Variants in SPECC1 observed in about 807,000 individuals in gnomAD.
SPECC1 encodes the protein sperm antigen with calponin homology and coiled-coil domains 1.
A neutral mutation model predicts 104.1 loss-of-function variants in SPECC1; 62 were observed. The ratio of observed to expected loss-of-function variants is 0.60; its 90% CI spans 0.49 to 0.74. The LOEUF is 0.74. Among genes scored for constraint, SPECC1 ranks in the 30% least tolerant of loss-of-function variants. The pLI, the probability that SPECC1 is intolerant of heterozygous loss-of-function variation, is 0.00. For missense variants in SPECC1, 1,306 were observed against 1,310.5 expected (o/e 1.00, Z 0.05); for synonymous variants, 513 against 501.6 (o/e 1.02, Z -0.30).
chr17:20,270,433 C>CAAAAAAAAAA (rs71157863), intron 12 of SPECC1, among the ~76,000 whole-genome samples: 6 of 43,574 alleles, frequency 1.4e-4, no homozygotes, highest in Non-Finnish European at 1.9e-4. Flanking sequence ...CTGTCTTTAC[C>CAAAAAAAAAA]AAAAAAAAAA....
At chr17:20,088,628 A>G (rs2047274268) in intron 1 of SPECC1, among the ~76,000 whole-genome samples, 1 of 152,224 alleles carries the variant, frequency 6.6e-6, no homozygotes, top group African/African-American at 2.4e-5. Flanking sequence ...ATACCCCAAG[A>G]TGAGAACCGC....
chr17:20,045,350 G>GT (rs11416007), intron 1 of SPECC1, among the ~76,000 whole-genome samples: 10,505 of 152,040 alleles, frequency 0.069, 990 homozygotes, highest in African/African-American at 0.21. Flanking sequence ...ATTATTTCTT[G>GT]TTTTTTGCTA....
chr17:20,177,171 T>TA (rs931940061), intron 3 of SPECC1, among the ~76,000 whole-genome samples: 1 of 152,036 alleles, frequency 6.6e-6, no homozygotes, highest in Non-Finnish European at 1.5e-5. Context: ...AATAGACTTG[T>TA]AAAAAAAATC....
intron 12 of SPECC1, among the ~76,000 whole-genome samples, chr17:20,270,947 G>A (rs1189954635): frequency 1.3e-5 from 2 of 152,144 alleles, no homozygotes; most frequent in African/African-American, 2.4e-5. Context: ...TGAAGGAGAA[G>A]CACTTTTTAT....
At chr17:20,109,826 T>C (rs7213349) in intron 2 of SPECC1, among the ~76,000 whole-genome samples, 38,034 of 152,034 alleles carry the variant, frequency 0.25, 6,006 homozygotes, top group African/African-American at 0.45. Context: ...CCCATTCTTT[T>C]TTTCCCCCAC....
chr17:20,233,451 T>TA (rs1377075001), intron 7 of SPECC1, among the ~76,000 whole-genome samples: 28 of 152,232 alleles, frequency 1.8e-4, no homozygotes, highest in Admixed American at 7.2e-4. Flanking sequence ...AACTTTTACA[T>TA]AAAATGGCCT....
intron 3 of SPECC1, among the ~76,000 whole-genome samples, chr17:20,201,404 C>T (rs1424167767): frequency 6.6e-6 from 1 of 152,036 alleles, no homozygotes; most frequent in Middle Eastern, 3.2e-3. Context: ...ATCACTTAAA[C>T]TTTGGAGGCA....
At chr17:20,140,948 C>T (rs1016480105) in intron 3 of SPECC1, among the ~76,000 whole-genome samples, 1 of 152,204 alleles carries the variant, frequency 6.6e-6, no homozygotes, top group African/African-American at 2.4e-5. Flanking sequence ...CTCCCTCCCC[C>T]GTTGGTGCCT....
At chr17:20,082,319 T>C (rs1162495682) in intron 1 of SPECC1, among the ~76,000 whole-genome samples, 1 of 152,152 alleles carries the variant, frequency 6.6e-6, no homozygotes, top group Non-Finnish European at 1.5e-5. Flanking sequence ...CTCACAGTAC[T>C]GGAAGCAGAC....
chr17:20,300,033 T>G (rs2041515591), intron 13 of SPECC1, among the ~76,000 whole-genome samples: 1 of 152,264 alleles, frequency 6.6e-6, no homozygotes, highest in African/African-American at 2.4e-5. Flanking sequence ...GACTGAAGAC[T>G]GAATTTTTAA....
chr17:20,124,702 G>T (rs2049197550), intron 3 of SPECC1, among the ~76,000 whole-genome samples: 1 of 152,112 alleles, frequency 6.6e-6, no homozygotes, highest in Admixed American at 6.5e-5. Context: ...CACATTTAAT[G>T]CACTTAACCT....
chr17:20,138,403 G>A (rs532507057), intron 3 of SPECC1, among the ~76,000 whole-genome samples: 134 of 150,794 alleles, frequency 8.9e-4, no homozygotes, highest in Middle Eastern at 6.8e-3. Flanking sequence ...TTTAAGTTTG[G>A]GTTCACTTTT....
chr17:20,167,000 A>G (rs1056589924), intron 3 of SPECC1, among the ~76,000 whole-genome samples: 1 of 151,946 alleles, frequency 6.6e-6, no homozygotes, highest in African/African-American at 2.4e-5. Flanking sequence ...AGTCCCAGCT[A>G]CTCAGGAGGC....
chr17:20,232,329 A>G lies in SPECC1; in HGVS notation c.2275A>G (p.Lys759Glu), dbSNP rs141998701. 6.2e-6 allele frequency: 10 copies of G among 1,613,866 alleles called. No individual in the cohort carries two copies. Among genetic ancestry groups the G allele is most frequent in the Middle Eastern group, 3.3e-4 (2 of 6,068 alleles). ...VKRKLLEEEE[K>E]NARLQKELGD... is the part of the protein sequence containing the mutation. ...GAGGAAACTGCTGGAGGAGGAGGAG[A>G]AGAATGCCCGGTTGCAGAAGGAGCT... Residue 759 changes from lysine to glutamate, a missense_variant, in exon 7 of 15, where the codon AAG (lysine) becomes GAG (glutamate). Transcript: ENST00000395527.
intron 7 of SPECC1, among the ~76,000 whole-genome samples, chr17:20,244,916 A>T (rs1211429377): frequency 6.6e-6 from 1 of 152,190 alleles, no homozygotes; most frequent in African/African-American, 2.4e-5. Flanking sequence ...AGTCCCCTAT[A>T]TGAGGAAGCC....
At chr17:20,175,059 C>T (rs998462205) in intron 3 of SPECC1, among the ~76,000 whole-genome samples, 2 of 152,192 alleles carry the variant, frequency 1.3e-5, no homozygotes, top group Non-Finnish European at 2.9e-5. Flanking sequence ...CTGGGGCCGC[C>T]TCTGTGCTCC....
chr17:20,245,343 T>C (rs1044393641), intron 7 of SPECC1, among the ~76,000 whole-genome samples: 3 of 152,110 alleles, frequency 2.0e-5, no homozygotes, highest in Non-Finnish European at 4.4e-5. Context: ...CACCATAGCA[T>C]CTTGTCTCTG....
chr17:20,301,408 C>T (rs1194853318), intron 13 of SPECC1, among the ~76,000 whole-genome samples: 1 of 147,282 alleles, frequency 6.8e-6, no homozygotes, highest in Non-Finnish European at 1.5e-5. Flanking sequence ...AGTGCCAGGG[C>T]ATTTTTTTTT....
intron 1 of SPECC1, among the ~76,000 whole-genome samples, chr17:20,049,912 G>T (rs150971789): frequency 2.0e-5 from 3 of 152,026 alleles, no homozygotes; most frequent in Non-Finnish European, 4.4e-5. Context: ...GTGCCTCCCA[G>T]ATTAAAGCTA....
Sources: allele counts gnomAD v4.1 joint callset (sites outside exome capture counted in the v4.1 genomes callset), GRCh38; gene constraint gnomAD v4.1.1; transcripts MANE v1.5; gene names NCBI Gene and HGNC (gene_info 2026-07-23, HGNC 2026-07-21).